Variants in PATE3 observed in about 807,000 individuals in gnomAD.
The protein encoded by PATE3 is prostate and testis expressed 3.
Under a neutral mutation model 7.4 loss-of-function variants are expected in PATE3, and 7 were observed. That is an observed-to-expected ratio of 0.95 (90% confidence interval 0.54 to 1.78). The LOEUF (loss-of-function observed/expected upper bound fraction) is 1.78, where lower values mean the gene tolerates loss of function less well. Among genes scored for constraint, PATE3 ranks in the 40% most tolerant of loss-of-function variants. The probability of loss-of-function intolerance (pLI) is 0.00; values close to 1 mark genes in which losing one functional copy is unlikely to be tolerated. For missense variants in PATE3, 117 were observed against 122.5 expected (o/e 0.96, Z 0.21); for synonymous variants, 38 against 40.2 (o/e 0.94, Z 0.21).
chr11:125,789,517 G>T lies in PATE3; in HGVS notation c.172+9G>T. 6.5e-7 allele frequency: 1 copy of T among 1,548,178 alleles called. No homozygotes were observed. Among genetic ancestry groups the T allele is most frequent in the Non-Finnish European group, 8.7e-7 (1 of 1,144,314 alleles). On this transcript the variant is annotated intron_variant, in intron 2 of 2. Coordinates refer to ENST00000445202, the MANE Select transcript of PATE3 (RefSeq NM_001129883.4). ...CTTAAGGATTTACCAGCGTAAGTTA[G>T]AGGGTCAGGGAAGGTGTTGTAAGAT...
chr11:125,788,160 A>G lies in PATE3; in HGVS notation c.9A>G (p.Lys3=). The stretch of plus-strand genomic sequence containing the variant: ...GGGATTTCCGGGTCAGGATGAACAA[A>G]CACTTCTTGTTCCTCTTCCTCCTTT... MN[K]HFLFLFLLYC... is the part of the protein sequence containing the mutation. Residue 3 remains lysine, a synonymous_variant, in exon 1 of 3, where the codon AAA becomes AAG. Transcript: ENST00000445202. 6.4e-7 allele frequency: 1 copy of G among 1,551,428 alleles called. No individual in the cohort carries two copies. Among genetic ancestry groups the G allele is most frequent in the Non-Finnish European group, 8.7e-7 (1 of 1,146,802 alleles).
intron 1 of PATE3, among the ~76,000 whole-genome samples, chr11:125,788,697 C>T (rs1247677509): frequency 1.3e-5 from 2 of 152,098 alleles, no homozygotes; most frequent in Non-Finnish European, 2.9e-5. Context: ...TAGTCACGGT[C>T]TCAAAATCTC....
At chr11:125,790,398 A>C in intron 2 of PATE3, 80 bp from the exon 3 acceptor site, 1 of 1,388,468 alleles carries the variant, frequency 7.2e-7, no homozygotes, top group Non-Finnish European at 9.6e-7. Flanking sequence ...AATTTTCACC[A>C]ACAGAACTAG....
chr11:125,790,598 T>C lies in PATE3; in HGVS notation c.293T>C (p.Leu98Pro). ...AACTACAATTACTGTAACTTTAAAC[T>C]CTAAGATATTTGCCCTCCTGAGGTC... ...CCNYNYCNFK[L>P] The change falls in exon 3 of 3, where the codon CTC (leucine) becomes CCC (proline). Residue 98 changes from leucine to proline, a missense_variant. Physicochemically the swap from Leu to Pro is moderately conservative, Grantham distance 98. Transcript: ENST00000445202. The C allele has an allele frequency of 6.4e-7, 1 of 1,551,232 alleles. No homozygotes were observed. Among genetic ancestry groups the C allele is most frequent in the African/African-American group, 1.4e-5 (1 of 73,158 alleles).
chr11:125,788,761 G>A (rs1943586107), intron 1 of PATE3, among the ~76,000 whole-genome samples: 1 of 152,122 alleles, frequency 6.6e-6, no homozygotes, highest in African/African-American at 2.4e-5. Context: ...TGCTTACAAG[G>A]CTTTTGCGAG....
At chr11:125,789,349 T>G in intron 1 of PATE3, 37 bp from the exon 2 acceptor site, 5 of 1,531,316 alleles carry the variant, frequency 3.3e-6, no homozygotes, top group Non-Finnish European at 4.4e-6. Context: ...AGTCCCTGCT[T>G]TTGCCTAGTC....
chr11:125,790,514 A>T lies in PATE3; in HGVS notation c.209A>T (p.Lys70Ile). The T allele has an allele frequency of 6.4e-7, 1 of 1,551,160 alleles. No individual in the cohort carries two copies. The highest frequency in any genetic ancestry group is 8.7e-7 in the Non-Finnish European group (1 of 1,146,602). ...CAGATATCATACATGGTGTGTCAGA[A>T]ATTCTGCAGAGACATGACATTTGAT... is the stretch of plus-strand genomic sequence containing the variant. ...TLQISYMVCQ[K>I]FCRDMTFDLR... The change falls in exon 3 of 3, where the codon AAA (lysine) becomes ATA (isoleucine). Residue 70 changes from lysine to isoleucine, a missense_variant. Physicochemically the swap from Lys to Ile is moderately radical, Grantham distance 102. Coordinates refer to ENST00000445202, the MANE Select transcript of PATE3 (RefSeq NM_001129883.4).
intron 1 of PATE3, among the ~76,000 whole-genome samples, chr11:125,788,608 G>A (rs571951060): frequency 2.3e-4 from 35 of 152,128 alleles, no homozygotes; most frequent in Non-Finnish European, 4.4e-4. Flanking sequence ...CCTTTTCAGA[G>A]ACTTTATATT....
chr11:125,788,281 A>T (rs1029579424), intron 1 of PATE3, 81 bp downstream of exon 1: 1 of 1,345,798 alleles, frequency 7.4e-7, no homozygotes, highest in African/African-American at 1.5e-5. Context: ...GCATGCATCC[A>T]TGCAGGGCTG....
intron 1 of PATE3, 56 bp downstream of exon 1, chr11:125,788,256 G>A: frequency 2.0e-6 from 3 of 1,474,842 alleles, no homozygotes; most frequent in Non-Finnish European, 2.8e-6. Context: ...GAGCTCCAGG[G>A]AAACTACATG....
At chr11:125,788,299 G>A in intron 1 of PATE3, 99 bp downstream of exon 1, 4 of 1,173,378 alleles carry the variant, frequency 3.4e-6, no homozygotes, top group Non-Finnish European at 4.8e-6. Context: ...CTGAGCTTTG[G>A]CCACTTTTAT....
intron 2 of PATE3, among the ~76,000 whole-genome samples, chr11:125,790,215 T>C (rs1943597666): frequency 6.6e-6 from 1 of 152,184 alleles, no homozygotes; most frequent in South Asian, 2.1e-4. Flanking sequence ...ACTAAATCAC[T>C]AGTTGCTAAT....
At position 125,790,738 on chromosome 11, in the gene PATE3, C is replaced by G. The variant is rs1196789011; in HGVS notation, c.*136C>G. 3 of 833,762 alleles carry G rather than the reference C, an allele frequency of 3.6e-6. No homozygotes were observed. The highest frequency in any genetic ancestry group is 5.5e-5 in the East Asian group (2 of 36,108). 51.6% of individuals were successfully genotyped at this position (833,762 alleles called of 1,614,324 possible). A position where few individuals can be genotyped will look rare whatever the true frequency, so the allele number is the denominator to read the frequency against. On this transcript the variant is annotated 3_prime_UTR_variant, in exon 3 of 3. Transcript: ENST00000445202. ...CTCGCATTAACCTAAGAAGACTAAA[C>G]TAGTGTGATCCTTTCTGGTGTCTTC...
intron 2 of PATE3, among the ~76,000 whole-genome samples, chr11:125,790,220 G>C (rs2134182755): frequency 6.6e-6 from 1 of 152,266 alleles, no homozygotes; most frequent in South Asian, 2.1e-4. Context: ...ATCACTAGTT[G>C]CTAATCTTCT....
In PATE3 at chr11:125,791,064, A is replaced by C. The variant is rs563981745; in HGVS notation, c.*462A>C. 1 of 152,704 alleles carries C rather than the reference A, an allele frequency of 6.5e-6. No individual in the cohort carries two copies. The highest frequency in any genetic ancestry group is 2.1e-4 in the South Asian group (1 of 4,844). The allele number at this position is 152,704 out of a possible 1,614,324, so 9.5% of individuals were successfully genotyped here. ...TGAAGATTTTTCTCTACGGACACCA[A>C]GTTATTTCTACCAGCAGGCAGTGCC... On this transcript the variant is annotated 3_prime_UTR_variant, in exon 3 of 3. Coordinates refer to ENST00000445202, the MANE Select transcript of PATE3 (RefSeq NM_001129883.4).
chr11:125,788,464 C>T (rs1273467445), intron 1 of PATE3, among the ~76,000 whole-genome samples: 3 of 152,184 alleles, frequency 2.0e-5, no homozygotes, highest in African/African-American at 7.2e-5. Flanking sequence ...TCCCCATAAT[C>T]CCAAGCCCTG....
At position 125,790,939 on chromosome 11, in the gene PATE3, A is replaced by G. The variant is rs374142024; in HGVS notation, c.*337A>G. 9 of 175,848 alleles carry G rather than the reference A, an allele frequency of 5.1e-5. No homozygotes were observed. In the East Asian group the frequency reaches 5.9e-4, roughly 12 times the overall value. The allele number at this position is 175,848 out of a possible 1,614,324, so 10.9% of individuals were successfully genotyped here. On this transcript the variant is annotated 3_prime_UTR_variant, in exon 3 of 3. Coordinates refer to ENST00000445202, the MANE Select transcript of PATE3 (RefSeq NM_001129883.4). ...TTTGCTTAACTAGTTCAGGTACACTAGAAAGCCTTCAGCTAAAAATTCACA... is the reference window on the plus strand; with the variant it reads ...TTTGCTTAACTAGTTCAGGTACACTGGAAAGCCTTCAGCTAAAAATTCACA...
chr11:125,789,450 C>T lies in PATE3; in HGVS notation c.114C>T (p.Gly38=), dbSNP rs138308723. 2,729 of 1,551,652 alleles carry T rather than the reference C, an allele frequency of 1.8e-3. 77 individuals carry two copies. In the Admixed American group the frequency reaches 0.046, roughly 26 times the overall value. ...LRTRTDRCRR[G]FGVCTAQKGE... is the part of the protein sequence containing the mutation. ...CACGGACAGACCGCTGTAGAAGAGG[C>T]TTTGGTGTCTGTACTGCTCAGAAGG... The change falls in exon 2 of 3, where the codon GGC becomes GGT. Residue 38 remains glycine (G), a synonymous_variant. Transcript: ENST00000445202.
chr11:125,790,567 T>C lies in PATE3; in HGVS notation c.262T>C (p.Cys88Arg). Residue 88 changes from cysteine to arginine, a missense_variant, in exon 3 of 3, where the codon TGC (cysteine) becomes CGC (arginine). Physicochemically the swap from Cys to Arg is radical, Grantham distance 180. Transcript: ENST00000445202. ...DLRNRTYVHTCCNYNYCNFKL is the reference protein window; with the variant it reads ...DLRNRTYVHTRCNYNYCNFKL ...CAGGAATCGGACTTATGTTCATACATGCTGCAACTACAATTACTGTAACTT... is the reference window on the plus strand; with the variant it reads ...CAGGAATCGGACTTATGTTCATACACGCTGCAACTACAATTACTGTAACTT... 1 of 1,551,534 alleles carries C rather than the reference T, an allele frequency of 6.4e-7. No homozygotes were observed. Among genetic ancestry groups the C allele is most frequent in the East Asian group, 2.4e-5 (1 of 40,926 alleles).
Sources: gnomAD v4.1 joint callset for allele counts (sites outside exome capture counted in the v4.1 genomes callset) on GRCh38, gnomAD v4.1.1 for gene constraint, MANE v1.5 for transcripts, NCBI Gene and HGNC (gene_info 2026-07-23, HGNC 2026-07-21) for gene names.